The following KIAA1328 variants were observed in gnomAD, a reference collection of about 807,000 sequenced individuals.
KIAA1328 encodes protein hinderin.
KIAA1328 carries 52 observed loss-of-function variants against 68.1 expected under a neutral mutation model. The ratio of observed to expected loss-of-function variants is 0.76; its 90% confidence interval spans 0.61 to 0.96. KIAA1328 has a LOEUF of 0.96. Ranked by LOEUF, KIAA1328 falls within the 40% of genes least tolerant of loss-of-function variation. The pLI, the probability that KIAA1328 is intolerant of heterozygous loss-of-function variation, is 0.00. For synonymous variants in KIAA1328, 232 were observed against 239.4 expected, an observed-to-expected ratio of 0.97 and a Z score of 0.28; for missense variants, 641 against 677.6, an observed-to-expected ratio of 0.95 and a Z score of 0.60.
chr18:37,129,346 G>T (rs543083128), intron 7 of KIAA1328, among the ~76,000 whole-genome samples: 1 of 152,268 alleles, frequency 6.6e-6, no homozygotes, highest in South Asian at 2.1e-4. Flanking sequence ...TCCATCATTA[G>T]GAGAGTGACT....
In KIAA1328 at chr18:36,848,541, C is replaced by CTTTTTTT. The variant is rs59271370; in HGVS notation, c.332+4257_332+4263dup. ...TTTTTTCCTTTCCAATCTATAGATG[C>CTTTTTTT]TTTTTTTTTTTTTTTTTTTTTTTTG... On this transcript the variant is annotated intron_variant, in intron 4 of 9. Transcript: ENST00000280020. Among the ~76,000 whole-genome samples the CTTTTTTT allele has an allele frequency of 5.0e-4, 19 of 38,152 alleles. 3 individuals carry two copies. Among genetic ancestry groups the CTTTTTTT allele is most frequent in the Admixed American group, 1.1e-3 (3 of 2,764 alleles). The allele number at this position is 38,152 out of a possible 152,430, so 25.0% of individuals were successfully genotyped here.
chr18:37,223,038 A>G lies in KIAA1328; in HGVS notation c.*811A>G. ...GGTATTTTTATTTACCCAAGTGTTC[A>G]GCTTATTCACCCCACCCCCCCACCC... On this transcript the variant is annotated 3_prime_UTR_variant, in exon 10 of 10. Transcript: ENST00000280020. 1 of 982,826 alleles carries G rather than the reference A, an allele frequency of 1.0e-6. No homozygotes were observed. Among genetic ancestry groups the G allele is most frequent in the South Asian group, 4.7e-5 (1 of 21,094 alleles). The allele number at this position is 982,826 out of a possible 1,614,324, so 60.9% of individuals were successfully genotyped here.
chr18:37,185,252 G>A (rs750392805), intron 9 of KIAA1328, among the ~76,000 whole-genome samples: 11 of 152,012 alleles, frequency 7.2e-5, no homozygotes, highest in African/African-American at 2.2e-4. Context: ...GAGCAATTCC[G>A]TAGGAAGCAC....
At chr18:36,954,687 C>CTT (rs35883053) in intron 5 of KIAA1328, among the ~76,000 whole-genome samples, 12 of 121,054 alleles carry the variant, frequency 9.9e-5, no homozygotes, top group East Asian at 2.4e-4. Flanking sequence ...AAAGACTTCA[C>CTT]TTTTTTTTTT....
chr18:37,100,354 C>T (rs1018329423), intron 7 of KIAA1328, among the ~76,000 whole-genome samples: 36 of 152,192 alleles, frequency 2.4e-4, no homozygotes, highest in African/African-American at 6.0e-4. Flanking sequence ...TCTTAGCAAA[C>T]GGCACACCAG....
At position 36,996,208 on chromosome 18, in the gene KIAA1328, A is replaced by G. The variant is rs1237236669; in HGVS notation, c.576+36773A>G. ...GACTCATAATTATTTTAATAACATC[A>G]GTACAACAATAATAGTCAACACTTA... On this transcript the variant is annotated intron_variant, in intron 6 of 9. Coordinates refer to ENST00000280020, the MANE Select transcript of KIAA1328 (RefSeq NM_020776.3). Among the ~76,000 whole-genome samples, 3 of 152,196 alleles carry G rather than the reference A, an allele frequency of 2.0e-5. No individual in the cohort carries two copies. The East Asian group carries it at 5.8e-4, about 29-fold the overall frequency.
chr18:36,924,121 C>G lies in KIAA1328; in HGVS notation c.449-35187C>G, dbSNP rs751868842. Among the ~76,000 whole-genome samples, 6 of 151,926 alleles carry G rather than the reference C, an allele frequency of 3.9e-5. 1 individual carries two copies. Among genetic ancestry groups the G allele is most frequent in the Non-Finnish European group, 8.8e-5 (6 of 67,988 alleles). On this transcript the variant is annotated intron_variant, in intron 5 of 9. Transcript: ENST00000280020. ...GTAGATGCTGGTAGGGTAAGTTGAT[C>G]TGATTTGTGTTTGTTTGGTTTTGAT... is the stretch of plus-strand genomic sequence containing the variant.
intron 4 of KIAA1328, among the ~76,000 whole-genome samples, chr18:36,864,154 TG>T (rs1189646599): frequency 7.2e-5 from 11 of 152,318 alleles, no homozygotes; most frequent in Admixed American, 6.5e-4. Flanking sequence ...TTATTATGAT[TG>T]CATGCTGAAT....
intron 5 of KIAA1328, among the ~76,000 whole-genome samples, chr18:36,924,531 G>C (rs8095259): frequency 2.0e-5 from 3 of 152,136 alleles, no homozygotes; most frequent in Non-Finnish European, 4.4e-5. Flanking sequence ...AAGAGAAAAC[G>C]AGTATGACTA....
Position 37,067,013 on chromosome 18 carries a change from T to A in KIAA1328, c.700T>A (p.Ser234Thr), listed in dbSNP as rs770561806. The change falls in exon 7 of 10, where the codon TCA becomes ACA. Residue 234 changes from serine (S) to threonine (T), a missense_variant. By Grantham distance (58) the Ser-to-Thr change is moderately conservative. Transcript: ENST00000280020. ...AAGACCTAAGTCTGCAGTCCAGGAT[T>A]CAGCTTCAGAATCCCTTATAGCATT... is the stretch of plus-strand genomic sequence containing the variant. The part of the protein sequence containing the change: ...KQRPKSAVQD[S>T]ASESLIAFRN... 6.2e-7 allele frequency: 1 copy of A among 1,613,952 alleles called. No homozygotes were observed. Among genetic ancestry groups the A allele is most frequent in the South Asian group, 1.1e-5 (1 of 91,072 alleles).
At chr18:36,925,881 C>T (rs2050097060) in intron 5 of KIAA1328, among the ~76,000 whole-genome samples, 1 of 152,006 alleles carries the variant, frequency 6.6e-6, no homozygotes, top group Non-Finnish European at 1.5e-5. Flanking sequence ...TCTTTGGAGC[C>T]CTTAATTTTG....
intron 3 of KIAA1328, among the ~76,000 whole-genome samples, chr18:36,843,266 T>C (rs777200821): frequency 7.2e-5 from 11 of 152,156 alleles, no homozygotes; most frequent in Non-Finnish European, 1.2e-4. Context: ...ATTATCATCT[T>C]CTTTTCTCCA....
chr18:37,172,198 C>T (rs541276018), intron 8 of KIAA1328, among the ~76,000 whole-genome samples: 2 of 152,070 alleles, frequency 1.3e-5, no homozygotes, highest in South Asian at 4.1e-4. Flanking sequence ...TCATGCATCC[C>T]GGATAACAGT....
chr18:37,081,554 C>G (rs1392480636), intron 7 of KIAA1328, among the ~76,000 whole-genome samples: 3 of 152,180 alleles, frequency 2.0e-5, no homozygotes, highest in Non-Finnish European at 4.4e-5. Context: ...ATGAATCCTC[C>G]TAAGACATTG....
intron 9 of KIAA1328, among the ~76,000 whole-genome samples, chr18:37,208,912 T>G (rs1252662243): frequency 6.6e-6 from 1 of 152,182 alleles, no homozygotes; most frequent in East Asian, 1.9e-4. Context: ...TAACCTATGA[T>G]GGACTGGAAT....
intron 5 of KIAA1328, among the ~76,000 whole-genome samples, chr18:36,955,302 G>A (rs1042854632): frequency 1.4e-5 from 2 of 142,012 alleles, no homozygotes; most frequent in Non-Finnish European, 3.1e-5. Flanking sequence ...TAATTTTCCT[G>A]GTTTTTCTTT....
chr18:37,057,532 A>G (rs747155349), intron 6 of KIAA1328, among the ~76,000 whole-genome samples: 22 of 149,798 alleles, frequency 1.5e-4, no homozygotes, highest in Non-Finnish European at 3.1e-4. Flanking sequence ...AGTTCACACC[A>G]TTCTCCTGCT....
chr18:37,174,463 A>G (rs1449935271), intron 9 of KIAA1328, among the ~76,000 whole-genome samples: 2 of 145,536 alleles, frequency 1.4e-5, no homozygotes, highest in African/African-American at 2.5e-5. Context: ...GCTCACTGCA[A>G]CCTCCACCTC....
intron 6 of KIAA1328, among the ~76,000 whole-genome samples, chr18:37,019,172 C>A (rs765450083): frequency 1.3e-5 from 2 of 151,978 alleles, no homozygotes; most frequent in East Asian, 3.9e-4. Flanking sequence ...TCCCCACCCC[C>A]CTCCGAGTGT....
Sources: allele counts gnomAD v4.1 joint callset (sites outside exome capture counted in the v4.1 genomes callset), GRCh38; gene constraint gnomAD v4.1.1; transcripts MANE v1.5; gene names NCBI Gene and HGNC (gene_info 2026-07-23, HGNC 2026-07-21).